The following BPTF variants were observed in gnomAD, a reference collection of about 807,000 sequenced individuals.
The protein encoded by BPTF is bromodomain PHD finger transcription factor.
A neutral mutation model predicts 292.5 loss-of-function variants in BPTF; 18 were observed. The ratio of observed to expected loss-of-function variants is 0.06; its 90% CI spans 0.04 to 0.09. The LOEUF (loss-of-function observed/expected upper bound fraction) is 0.09. BPTF is among the 10% of genes least tolerant of loss of function. The pLI, the probability that BPTF is intolerant of heterozygous loss-of-function variation, is 1.00. For synonymous variants in BPTF, 1,225 were observed against 1,251.9 expected (o/e 0.98, Z 0.45); for missense variants, 2,726 against 3,498.7 (o/e 0.78, Z 5.57).
At chr17:67,843,791 GTTTTGCTC>G (rs2057782613) in intron 1 of BPTF, among the ~76,000 whole-genome samples, 1 of 94,888 alleles carries the variant, frequency 1.1e-5, no homozygotes, top group African/African-American at 5.8e-5. Flanking sequence ...TTGAGATGGA[GTTTTGCTC>G]TTGTTGCCCA....
At chr17:67,959,438 G>C in intron 23 of BPTF, 103 bp from the exon 24 acceptor site, 2 of 903,396 alleles carry the variant, frequency 2.2e-6, no homozygotes, top group Non-Finnish European at 3.2e-6. Context: ...AGGCTGAACT[G>C]TGGAGCTACT....
intron 27 of BPTF, among the ~76,000 whole-genome samples, chr17:67,978,305 TATA>T (rs1392247924): frequency 2.1e-5 from 1 of 46,700 alleles, no homozygotes; most frequent in African/African-American, 4.0e-5. Flanking sequence ...TATATATATA[TATA>T]TTTTTTTTGA....
At chr17:67,924,958 A>T (rs2063748652) in intron 15 of BPTF, among the ~76,000 whole-genome samples, 1 of 151,216 alleles carries the variant, frequency 6.6e-6, no homozygotes, top group Admixed American at 6.6e-5. Flanking sequence ...CGTGTTCCCC[A>T]GGCTGGTCTT....
Position 67,866,451 on chromosome 17 carries a change from C to T in BPTF, c.1437-13C>T. The stretch of plus-strand genomic sequence containing the variant: ...GTCTAACATATAAAGTATTTCCCCC[C>T]ATTTTTAAACAGAGAAGAAGATACA... On this transcript the variant is annotated splice_polypyrimidine_tract_variant and intron_variant, in intron 2 of 27. Transcript: ENST00000306378. The T allele has an allele frequency of 1.3e-6, 2 of 1,561,600 alleles. No homozygotes were observed. Among genetic ancestry groups the T allele is most frequent in the Non-Finnish European group, 8.8e-7 (1 of 1,133,128 alleles).
intron 26 of BPTF, 78 bp from the exon 27 acceptor site, chr17:67,975,694 C>T: frequency 2.3e-6 from 3 of 1,329,216 alleles, no homozygotes; most frequent in Middle Eastern, 1.9e-4. Flanking sequence ...AACATATATA[C>T]TTGTTAGAAC....
intron 26 of BPTF, among the ~76,000 whole-genome samples, chr17:67,973,112 C>T (rs1368879305): frequency 2.7e-5 from 4 of 147,642 alleles, no homozygotes; most frequent in African/African-American, 7.4e-5. Context: ...CGGTGGCTCA[C>T]GCCTGTAATC....
At chr17:67,843,289 T>C (rs189139274) in intron 1 of BPTF, among the ~76,000 whole-genome samples, 14 of 150,370 alleles carry the variant, frequency 9.3e-5, no homozygotes, top group Non-Finnish European at 1.0e-4. Flanking sequence ...TATGTAGACA[T>C]AGATACATAT....
At chr17:67,938,318 G>T (rs2065089550) in intron 18 of BPTF, among the ~76,000 whole-genome samples, 1 of 152,156 alleles carries the variant, frequency 6.6e-6, no homozygotes, top group Admixed American at 6.5e-5. Flanking sequence ...AAACTGCAAT[G>T]CAAGGACATA....
intron 14 of BPTF, among the ~76,000 whole-genome samples, 175 bp downstream of exon 14, chr17:67,923,165 C>T (rs943387302): frequency 3.3e-5 from 5 of 150,494 alleles, no homozygotes; most frequent in Non-Finnish European, 7.4e-5. Flanking sequence ...GAGTGATCCT[C>T]CCACCTCAGC....
intron 7 of BPTF, among the ~76,000 whole-genome samples, chr17:67,895,946 C>A (rs1003922345): frequency 9.3e-5 from 14 of 150,284 alleles, no homozygotes; most frequent in African/African-American, 3.4e-4. Context: ...GGAAACAATT[C>A]CTAAGTACTC....
chr17:67,884,421 C>CT (rs60432162), intron 4 of BPTF, among the ~76,000 whole-genome samples: 131 of 146,200 alleles, frequency 9.0e-4, no homozygotes, highest in Non-Finnish European at 7.7e-4. Flanking sequence ...TGGCCCCTCC[C>CT]TTTTTTTTTT....
At chr17:67,913,767 C>T (rs2062806947) in intron 11 of BPTF, among the ~76,000 whole-genome samples, 1 of 152,066 alleles carries the variant, frequency 6.6e-6, no homozygotes, top group Non-Finnish European at 1.5e-5. Flanking sequence ...TTTCTGGGCA[C>T]TTTAGGTTTA....
rs752070910 is a variant in BPTF, at chr17:67,835,855, T to C, written c.613+9518T>C. 1.2e-4 allele frequency among the ~76,000 whole-genome samples: 18 copies of C among 151,896 alleles called. 1 individual carries two copies. Among genetic ancestry groups the C allele is most frequent in the South Asian group, 2.1e-4 (1 of 4,812 alleles). On this transcript the variant is annotated intron_variant, in intron 1 of 27. Transcript: ENST00000306378. The stretch of plus-strand genomic sequence containing the variant: ...TAATTTTTTGTAATTTTAGTAGAGA[T>C]GGGGTTTCACCATGGTAGCCAGGAT...
chr17:67,937,867 C>T (rs1020935370), intron 18 of BPTF, among the ~76,000 whole-genome samples: 1 of 152,226 alleles, frequency 6.6e-6, no homozygotes, highest in Non-Finnish European at 1.5e-5. Context: ...GTAATCCCAG[C>T]CCTTAGGGAG....
chr17:67,917,131 C>CCTT (rs2063065953), intron 11 of BPTF, among the ~76,000 whole-genome samples: 27 of 105,790 alleles, frequency 2.6e-4, no homozygotes, highest in African/African-American at 9.4e-4. Context: ...TGGTATTGTC[C>CCTT]TTTTTTTTTT....
At chr17:67,878,786 A>C (rs1364184884) in intron 4 of BPTF, among the ~76,000 whole-genome samples, 1 of 151,898 alleles carries the variant, frequency 6.6e-6, no homozygotes, top group East Asian at 1.9e-4. Context: ...TTTGCTTTGT[A>C]GTTGTTTCAT....
chr17:67,826,371 C>T, intron 1 of BPTF, 34 bp downstream of exon 1: 4 of 1,579,952 alleles, frequency 2.5e-6, no homozygotes, highest in South Asian at 2.3e-5. Flanking sequence ...CAGACTCCTT[C>T]CCCACCTCCT....
chr17:67,832,242 A>C (rs1380873195), intron 1 of BPTF, among the ~76,000 whole-genome samples: 5 of 151,522 alleles, frequency 3.3e-5, no homozygotes, highest in African/African-American at 1.2e-4. Context: ...AGGAGGCAGC[A>C]TGTTTCTTAA....
chr17:67,936,125 G>T (rs2064895066), intron 18 of BPTF, among the ~76,000 whole-genome samples: 1 of 152,038 alleles, frequency 6.6e-6, no homozygotes, highest in Non-Finnish European at 1.5e-5. Flanking sequence ...ATGGTTCCAG[G>T]GCATAAGGGG....
Sources: gnomAD v4.1 joint callset for allele counts (sites outside exome capture counted in the v4.1 genomes callset) on GRCh38, gnomAD v4.1.1 for gene constraint, MANE v1.5 for transcripts, NCBI Gene and HGNC (gene_info 2026-07-23, HGNC 2026-07-21) for gene names.